SLC14A2: variants seen among roughly 807,000 people sequenced by gnomAD.
SLC14A2 encodes the protein solute carrier family 14 member 2, also known as urea transporter 2.
Under a neutral mutation model 104.6 loss-of-function variants are expected in SLC14A2, and 91 were observed. The observed-to-expected ratio is 0.87, with a 90% CI of 0.73 to 1.04. The LOEUF is 1.04. SLC14A2 is among the 50% of genes least tolerant of loss of function. The pLI is 0.00. For synonymous variants in SLC14A2, 476 were observed against 466.4 expected (o/e 1.02, Z -0.27); for missense variants, 1,189 against 1,156.0 (o/e 1.03, Z -0.41).
chr18:45,521,472 A>T (rs1314849402), intron 2 of SLC14A2, among the ~76,000 whole-genome samples: 1 of 152,224 alleles, frequency 6.6e-6, no homozygotes. Flanking sequence ...AGAGAGTAAC[A>T]CAAGAAAGGT....
intron 2 of SLC14A2, among the ~76,000 whole-genome samples, chr18:45,599,065 CAGAG>C (rs1307533993): frequency 3.9e-5 from 6 of 152,130 alleles, no homozygotes; most frequent in South Asian, 2.1e-4. Context: ...GTGAAAATGA[CAGAG>C]AGAAAGTCAT....
intron 1 of SLC14A2, among the ~76,000 whole-genome samples, chr18:45,618,375 A>C (rs1346499191): frequency 6.6e-6 from 1 of 152,142 alleles, no homozygotes; most frequent in Non-Finnish European, 1.5e-5. Flanking sequence ...AGTTGGTTAG[A>C]AGATGAAGTA....
intron 1 of SLC14A2, among the ~76,000 whole-genome samples, chr18:45,378,225 G>GCCT (rs56141567): frequency 0.45 from 68,118 of 151,770 alleles, 16,800 homozygotes; most frequent in African/African-American, 0.67. Context: ...TTAGCATAGT[G>GCCT]TAAAGGCTCC....
At chr18:45,316,568 G>T (rs1405146344) in intron 1 of SLC14A2, among the ~76,000 whole-genome samples, 1 of 152,162 alleles carries the variant, frequency 6.6e-6, no homozygotes, top group African/African-American at 2.4e-5. Flanking sequence ...CGATATAAAG[G>T]TTTAGAGATC....
chr18:45,620,774 C>T (rs2045154009), intron 1 of SLC14A2, among the ~76,000 whole-genome samples: 1 of 152,126 alleles, frequency 6.6e-6, no homozygotes, highest in African/African-American at 2.4e-5. Flanking sequence ...ACTATATTTC[C>T]TTGATTATAT....
upstream of SLC14A2, among the ~76,000 whole-genome samples, chr18:45,211,248 T>C (rs1263809189): frequency 2.0e-5 from 3 of 152,192 alleles, no homozygotes; most frequent in African/African-American, 7.2e-5. Flanking sequence ...GTGCCCAAAG[T>C]ACAACTTGAT....
chr18:45,245,109 C>T (rs1027208110), intron 1 of SLC14A2, among the ~76,000 whole-genome samples: 23 of 152,178 alleles, frequency 1.5e-4, no homozygotes, highest in African/African-American at 5.6e-4. Context: ...TCCTTCCATC[C>T]TAACCTTTTC....
intron 2 of SLC14A2, among the ~76,000 whole-genome samples, chr18:45,599,836 G>A (rs1156540654): frequency 6.6e-6 from 1 of 152,168 alleles, no homozygotes; most frequent in Non-Finnish European, 1.5e-5. Flanking sequence ...CATCTTACAT[G>A]GATGTCAGCA....
chr18:45,677,694 G>A (rs922378773), intron 18 of SLC14A2, among the ~76,000 whole-genome samples: 11 of 152,192 alleles, frequency 7.2e-5, no homozygotes, highest in Non-Finnish European at 1.6e-4. Context: ...AAACACAAAG[G>A]ACGGCATGGG....
chr18:45,479,193 A>G (rs1259910388), intron 1 of SLC14A2, among the ~76,000 whole-genome samples: 3 of 152,212 alleles, frequency 2.0e-5, no homozygotes, highest in Non-Finnish European at 4.4e-5. Flanking sequence ...TATCTTAACA[A>G]CACTGTCTTA....
At chr18:45,302,002 C>T (rs932303660) in intron 1 of SLC14A2, among the ~76,000 whole-genome samples, 11 of 152,182 alleles carry the variant, frequency 7.2e-5, no homozygotes, top group Non-Finnish European at 1.6e-4. Context: ...CCTGAAGTCT[C>T]ACTCCCTCTG....
intron 1 of SLC14A2, among the ~76,000 whole-genome samples, chr18:45,416,422 C>G (rs983570110): frequency 1.1e-4 from 16 of 152,066 alleles, no homozygotes; most frequent in African/African-American, 3.9e-4. Context: ...CGCTCTTTGG[C>G]TAAACAGCAG....
In SLC14A2 at chr18:45,312,364, A is replaced by G. The variant is rs1045356567; in HGVS notation, c.-125+99173A>G. ...ATGTGGCAAGATCTCTGATCCTTCT[A>G]CAGGCTACCTTCAGACTAGAAAAAA... On this transcript the variant is annotated intron_variant, in intron 1 of 20. Coordinates refer to the SLC14A2 transcript ENST00000586448. 2.0e-5 allele frequency among the ~76,000 whole-genome samples: 3 copies of G among 150,828 alleles called. No homozygotes were observed. In the South Asian group the frequency reaches 6.3e-4, roughly 32 times the overall value.
intron 1 of SLC14A2, among the ~76,000 whole-genome samples, chr18:45,368,244 A>C (rs951951239): frequency 1.3e-5 from 2 of 152,132 alleles, no homozygotes; most frequent in South Asian, 4.2e-4. Context: ...CTTACAGTTA[A>C]TTTCCTTTGA....
intron 1 of SLC14A2, among the ~76,000 whole-genome samples, chr18:45,227,733 A>T (rs2084133894): frequency 4.6e-5 from 7 of 152,158 alleles, no homozygotes; most frequent in Admixed American, 4.6e-4. Flanking sequence ...GGGAGAAAAA[A>T]TTGGAAAACC....
chr18:45,503,213 G>C (rs1046553742), intron 2 of SLC14A2, among the ~76,000 whole-genome samples: 12 of 152,082 alleles, frequency 7.9e-5, no homozygotes, highest in African/African-American at 2.9e-4. Context: ...TTTGTTTTTA[G>C]GATATTAGGG....
intron 10 of SLC14A2, among the ~76,000 whole-genome samples, chr18:45,645,555 T>A (rs1283248023): frequency 1.0e-5 from 1 of 95,780 alleles, no homozygotes; most frequent in Non-Finnish European, 2.5e-5. Context: ...CAATTATCTA[T>A]GAATTTCATA....
chr18:45,452,284 AC>A (rs2086870457), intron 1 of SLC14A2, among the ~76,000 whole-genome samples: 1 of 152,232 alleles, frequency 6.6e-6, no homozygotes, highest in African/African-American at 2.4e-5. Context: ...CACTTGGGGT[AC>A]TAACAACCCA....
intron 1 of SLC14A2, among the ~76,000 whole-genome samples, chr18:45,435,873 G>A (rs113904569): frequency 3.3e-5 from 5 of 152,250 alleles, no homozygotes; most frequent in African/African-American, 1.2e-4. Flanking sequence ...GCAAAAGTGG[G>A]CCTGATTTAA....
Sources: allele counts gnomAD v4.1 joint callset (sites outside exome capture counted in the v4.1 genomes callset), GRCh38; gene constraint gnomAD v4.1.1; transcripts MANE v1.5; gene names NCBI Gene and HGNC (gene_info 2026-07-23, HGNC 2026-07-21).